The following LAMA2 variants were observed in gnomAD, a reference collection of about 807,000 sequenced individuals.
The protein encoded by LAMA2 is laminin subunit alpha 2, also known as laminin subunit alpha-2.
In LAMA2, 269 loss-of-function variants were observed where a neutral mutation model predicts 364.8. The ratio of observed to expected loss-of-function variants is 0.74; its 90% CI spans 0.67 to 0.82. LAMA2 has a LOEUF of 0.82. Among genes scored for constraint, LAMA2 ranks in the 40% least tolerant of loss-of-function variants. The probability of loss-of-function intolerance (pLI) is 0.00; values close to 1 mark genes in which losing one functional copy is unlikely to be tolerated. For synonymous variants in LAMA2, 1,379 were observed against 1,370.6 expected (o/e 1.01, Z -0.14); for missense variants, 3,807 against 3,873.2 (o/e 0.98, Z 0.45).
chr6:129,455,091 T>C (rs1035235092), intron 47 of LAMA2, among the ~76,000 whole-genome samples: 4 of 152,034 alleles, frequency 2.6e-5, no homozygotes, highest in African/African-American at 9.7e-5. Flanking sequence ...GAAAGAGCCA[T>C]GTGCAATGGC....
At chr6:129,072,231 T>C (rs528677503) in intron 3 of LAMA2, among the ~76,000 whole-genome samples, 1 of 152,324 alleles carries the variant, frequency 6.6e-6, no homozygotes, top group African/African-American at 2.4e-5. Context: ...GTTATATTTA[T>C]ATATATTGAT....
At chr6:129,118,786 T>G (rs563129293) in intron 4 of LAMA2, among the ~76,000 whole-genome samples, 16 of 151,996 alleles carry the variant, frequency 1.1e-4, no homozygotes, top group Non-Finnish European at 1.9e-4. Flanking sequence ...CTGTGAAAAG[T>G]GTGTTATTGT....
Position 129,349,321 on chromosome 6 carries a change from A to C in LAMA2, c.4460A>C (p.Glu1487Ala). ...SNNFSPSCVA[E>A]GLDDYRCTAC... ...AGTTTCAGCCCCTCTTGTGTCGCAG[A>C]AGGACTTGACGACTACCGCTGCACG... is the stretch of plus-strand genomic sequence containing the variant. The change falls in exon 31 of 65, where the codon GAA becomes GCA. Residue 1487 changes from glutamate (E) to alanine (A), a missense_variant. Coordinates refer to ENST00000421865, the MANE Select transcript of LAMA2 (RefSeq NM_000426.4). 6 of 1,613,614 alleles carry C rather than the reference A, an allele frequency of 3.7e-6. No homozygotes were observed. Among genetic ancestry groups the C allele is most frequent in the Non-Finnish European group, 4.2e-6 (5 of 1,179,616 alleles).
intron 13 of LAMA2, among the ~76,000 whole-genome samples, chr6:129,251,074 CTCTATATATATA>C (rs1442763594): frequency 3.1e-3 from 187 of 60,518 alleles, no homozygotes; most frequent in Middle Eastern, 7.8e-3. Flanking sequence ...CTCTCTCTCT[CTCTATATATATA>C]TATATATATA....
rs199797875 is a variant in LAMA2, at chr6:129,200,448, GTA to G, written c.1782+7604_1782+7605del. ...TATATGTGTACACATATACATATATGTATATATATACATGTACACATATACAT... is the reference window on the plus strand; with the variant it reads ...TATATGTGTACACATATACATATATGTATATATACATGTACACATATACAT... On this transcript the variant is annotated intron_variant, in intron 12 of 64. Coordinates refer to ENST00000421865, the MANE Select transcript of LAMA2 (RefSeq NM_000426.4). 5.4e-3 allele frequency among the ~76,000 whole-genome samples: 798 copies of G among 147,908 alleles called. 5 individuals carry two copies. The highest frequency in any genetic ancestry group is 0.012 in the Admixed American group (172 of 14,804).
At chr6:129,429,268 T>A (rs1291049031) in intron 41 of LAMA2, among the ~76,000 whole-genome samples, 1 of 152,210 alleles carries the variant, frequency 6.6e-6, no homozygotes, top group African/African-American at 2.4e-5. Context: ...TTTTTAAAAC[T>A]TTTTTATTGA....
At chr6:129,401,187 A>C (rs1779948670) in intron 37 of LAMA2, 37 bp from the exon 38 acceptor site, 2 of 1,302,128 alleles carry the variant, frequency 1.5e-6, no homozygotes, top group African/African-American at 3.0e-5. Context: ...ATTTTATGAA[A>C]ATGCAATTTT....
chr6:129,330,446 T>C (rs960996690), intron 29 of LAMA2, among the ~76,000 whole-genome samples: 3 of 152,006 alleles, frequency 2.0e-5, no homozygotes, highest in Non-Finnish European at 4.4e-5. Flanking sequence ...TGATTTTCCC[T>C]GTCTAATTGT....
At chr6:129,137,365 T>C (rs1777857232) in intron 4 of LAMA2, among the ~76,000 whole-genome samples, 1 of 152,114 alleles carries the variant, frequency 6.6e-6, no homozygotes, top group South Asian at 2.1e-4. Flanking sequence ...TTAAGGCACC[T>C]GAAGGGACAA....
Position 129,438,691 on chromosome 6 carries a change from C to G in LAMA2, c.6014C>G (p.Ala2005Gly), listed in dbSNP as rs1035353237. ...LNGLKTRIEN[A>G]DARNGDLLRT... is the part of the protein sequence containing the mutation. ...GGCTTAAAAACCAGGATAGAAAATG[C>G]TGATGCTAGAAATGGGGATCTCTTG... Residue 2005 changes from alanine to glycine, a missense_variant, in exon 42 of 65, where the codon GCT becomes GGT. This residue lies in a region of LAMA2 where 3,333 missense variants were observed against 3,345.7 expected (regional missense o/e 1.00). Transcript: ENST00000421865. 7 of 1,609,200 alleles carry G rather than the reference C, an allele frequency of 4.3e-6. No individual in the cohort carries two copies. The highest frequency in any genetic ancestry group is 1.7e-5 in the Admixed American group (1 of 59,920).
At chr6:129,321,192 A>G (rs1774943645) in intron 28 of LAMA2, among the ~76,000 whole-genome samples, 1 of 152,074 alleles carries the variant, frequency 6.6e-6, no homozygotes, top group South Asian at 2.1e-4. Flanking sequence ...TTTTCAATAA[A>G]CTTGCTGAGA....
intron 12 of LAMA2, among the ~76,000 whole-genome samples, chr6:129,208,497 GAGAT>G (rs914769649): frequency 3.3e-5 from 5 of 150,770 alleles, no homozygotes; most frequent in Admixed American, 6.6e-5. Context: ...AGAAAAGAGA[GAGAT>G]AGAGAGAGGC....
chr6:129,088,885 A>G (rs1027746726), intron 3 of LAMA2, among the ~76,000 whole-genome samples: 1 of 151,772 alleles, frequency 6.6e-6, no homozygotes, highest in Admixed American at 6.6e-5. Flanking sequence ...GGCCAGGCAG[A>G]GACGCTCCTC....
chr6:129,319,197 G>A (rs766421723), intron 27 of LAMA2, among the ~76,000 whole-genome samples: 17 of 152,012 alleles, frequency 1.1e-4, no homozygotes, highest in Non-Finnish European at 2.4e-4. Flanking sequence ...GTTCCTGAAA[G>A]GTCATTCAGA....
intron 12 of LAMA2, among the ~76,000 whole-genome samples, chr6:129,202,676 T>C (rs1323255189): frequency 5.3e-5 from 8 of 152,158 alleles, no homozygotes; most frequent in Admixed American, 4.6e-4. Flanking sequence ...AATACAGAGA[T>C]ATGTTAAAGT....
chr6:129,268,803 T>C (rs1344005063), intron 16 of LAMA2, among the ~76,000 whole-genome samples: 3 of 152,082 alleles, frequency 2.0e-5, no homozygotes, highest in Non-Finnish European at 4.4e-5. Flanking sequence ...TTCCTGAATT[T>C]TCCATCATAG....
chr6:129,161,363 T>A (rs987783621), intron 8 of LAMA2, among the ~76,000 whole-genome samples: 1 of 152,174 alleles, frequency 6.6e-6, no homozygotes, highest in Non-Finnish European at 1.5e-5. Context: ...CTAAATTTAA[T>A]ATAGTTAATA....
chr6:129,110,364 A>C (rs1776077236), intron 4 of LAMA2, among the ~76,000 whole-genome samples: 1 of 152,050 alleles, frequency 6.6e-6, no homozygotes, highest in Admixed American at 6.6e-5. Context: ...GCCTAAAATC[A>C]CAAGCAAACA....
At chr6:129,225,677 G>C (rs1435388654) in intron 12 of LAMA2, among the ~76,000 whole-genome samples, 1 of 152,164 alleles carries the variant, frequency 6.6e-6, no homozygotes, top group Non-Finnish European at 1.5e-5. Context: ...GTTCTAGTTT[G>C]ATTGCACTGT....
Sources: gnomAD v4.1 joint callset for allele counts (sites outside exome capture counted in the v4.1 genomes callset) on GRCh38, gnomAD v4.1.1 for gene constraint, gnomAD v4.1.1 regional missense constraint, MANE v1.5 for transcripts, NCBI Gene and HGNC (gene_info 2026-07-23, HGNC 2026-07-21) for gene names.